The following KNG1 variants were observed in gnomAD, a reference collection of about 807,000 sequenced individuals.
The protein encoded by KNG1 is kininogen-1.
Under a neutral mutation model 47.8 loss-of-function variants are expected in KNG1, and 23 were observed. That is an observed-to-expected ratio of 0.48 (90% CI 0.35 to 0.68). The LOEUF is 0.68. Among genes scored for constraint, KNG1 ranks in the 30% least tolerant of loss-of-function variants. The probability of loss-of-function intolerance (pLI) is 0.01; values close to 1 mark genes in which losing one functional copy is unlikely to be tolerated. For missense variants in KNG1, 762 were observed against 790.2 expected (o/e 0.96, Z 0.43); for synonymous variants, 277 against 277.0 (o/e 1.00, Z 0.00).
At position 186,717,510 on chromosome 3, in the gene KNG1, A is replaced by G. The variant is rs1204207442; in HGVS notation, c.-33A>G. The G allele has an allele frequency of 3.3e-6, 5 of 1,502,438 alleles. No individual in the cohort carries two copies. Among genetic ancestry groups the G allele is most frequent in the Admixed American group, 3.3e-5 (2 of 59,854 alleles). The allele number at this position is 1,502,438 out of a possible 1,614,324, so 93.1% of individuals were successfully genotyped here. Reference sequence around the variant, plus strand: ...TTGGCTCTTGATTCTTGGTGAAACCATCCCTCAGCTCCTAGAGGGAGATTG... The same window carrying G: ...TTGGCTCTTGATTCTTGGTGAAACCGTCCCTCAGCTCCTAGAGGGAGATTG... On this transcript the variant is annotated 5_prime_UTR_variant, in exon 1 of 10. Transcript: ENST00000644859.
Position 186,742,359 on chromosome 3 carries a change from T to C in KNG1, c.*28T>C. On this transcript the variant is annotated 3_prime_UTR_variant, in exon 10 of 10. Coordinates refer to ENST00000644859, the MANE Select transcript of KNG1 (RefSeq NM_001102416.3). The stretch of plus-strand genomic sequence containing the variant: ...TAAGTGGCTATGGGTATTTCTTTCA[T>C]ACTTTATTAAAGTATCAATATCCCT... The C allele has an allele frequency of 6.2e-7, 1 of 1,612,096 alleles. No individual in the cohort carries two copies. Among genetic ancestry groups the C allele is most frequent in the Non-Finnish European group, 8.5e-7 (1 of 1,179,928 alleles).
At chr3:186,724,358 C>T (rs548740101) in intron 3 of KNG1, among the ~76,000 whole-genome samples, 137 of 152,280 alleles carry the variant, frequency 9.0e-4, no homozygotes, top group African/African-American at 3.1e-3. Context: ...ATGGACTTTG[C>T]CTCTATTGAC....
chr3:186,723,686 G>A (rs974840777), intron 3 of KNG1, among the ~76,000 whole-genome samples: 3 of 150,814 alleles, frequency 2.0e-5, no homozygotes, highest in South Asian at 2.1e-4. Flanking sequence ...ACAGAGTCTC[G>A]CACTGTCGCC....
chr3:186,726,478 C>T (rs1720377045), intron 4 of KNG1, among the ~76,000 whole-genome samples: 2 of 150,886 alleles, frequency 1.3e-5, no homozygotes, highest in Admixed American at 1.3e-4. Flanking sequence ...TTGGTAGAGA[C>T]AAGGTTTCCC....
rs1259271693 is a variant in KNG1 at position 186,741,552 on chromosome 3, T to C, written c.1156T>C (p.Ser386Pro). 1 of 1,610,378 alleles carries C rather than the reference T, an allele frequency of 6.2e-7. No homozygotes were observed. Among genetic ancestry groups the C allele is most frequent in the Non-Finnish European group, 8.5e-7 (1 of 1,179,118 alleles). Reference sequence around the variant, plus strand: ...ACTGATGAAAAGGCCTCCAGGTTTTTCACCTTTCCGATCATCACGAATAGG... The same window carrying C: ...ACTGATGAAAAGGCCTCCAGGTTTTCCACCTTTCCGATCATCACGAATAGG... ...ISLMKRPPGF[S>P]PFRSSRIGEI... is the part of the protein sequence containing the mutation. The change falls in exon 10 of 10, where the codon TCA becomes CCA. Residue 386 changes from serine (S) to proline (P), a missense_variant. Coordinates refer to ENST00000644859, the MANE Select transcript of KNG1 (RefSeq NM_001102416.3).
chr3:186,730,912 G>A (rs1169436002), intron 5 of KNG1, among the ~76,000 whole-genome samples: 2 of 150,456 alleles, frequency 1.3e-5, no homozygotes. Flanking sequence ...TTATTCACTT[G>A]CCCTGTCTTA....
Position 186,742,990 on chromosome 3 carries a change from A to T in KNG1, c.*659A>T. On this transcript the variant is annotated 3_prime_UTR_variant, in exon 10 of 10. Coordinates refer to ENST00000644859, the MANE Select transcript of KNG1 (RefSeq NM_001102416.3). The stretch of plus-strand genomic sequence containing the variant: ...GGGAGGAAAGGGGGGACATAAATTA[A>T]TTGACTTTCTATTCCCAAAATGGGC... The T allele has an allele frequency of 1.0e-6, 1 of 975,664 alleles. No individual in the cohort carries two copies. Among genetic ancestry groups the T allele is most frequent in the Non-Finnish European group, 1.2e-6 (1 of 821,058 alleles). 60.4% of individuals were successfully genotyped at this position (975,664 alleles called of 1,614,324 possible).
chr3:186,724,191 C>A (rs1030618183), intron 3 of KNG1, among the ~76,000 whole-genome samples: 1 of 152,156 alleles, frequency 6.6e-6, no homozygotes, highest in Non-Finnish European at 1.5e-5. Flanking sequence ...AATTTACATT[C>A]TTACCAACAG....
intron 1 of KNG1, among the ~76,000 whole-genome samples, chr3:186,719,298 CAAAAT>C (rs1432226573): frequency 1.3e-5 from 2 of 151,954 alleles, no homozygotes; most frequent in Admixed American, 1.3e-4. Flanking sequence ...AAGTAGGAAA[CAAAAT>C]AAACCAAATA....
Position 186,732,666 on chromosome 3 carries a change from A to G in KNG1, c.922A>G (p.Arg308Gly). 6.2e-7 allele frequency: 1 copy of G among 1,613,370 alleles called. No individual in the cohort carries two copies. The highest frequency in any genetic ancestry group is 8.5e-7 in the Non-Finnish European group (1 of 1,179,242). ...YFKIDNVKKARVQVVAGKKYF... is the reference protein window; with the variant it reads ...YFKIDNVKKAGVQVVAGKKYF... ...CAAGATTGACAATGTGAAAAAAGCAAGAGTACAGGTGTGTAAACTATACTA... is the reference window on the plus strand; with the variant it reads ...CAAGATTGACAATGTGAAAAAAGCAGGAGTACAGGTGTGTAAACTATACTA... Residue 308 changes from arginine (R) to glycine (G), a missense_variant, in exon 7 of 10, where the codon AGA becomes GGA. Transcript: ENST00000644859.
At position 186,742,484 on chromosome 3, in the gene KNG1, A is replaced by G; in HGVS notation, c.*153A>G. ...AAGTGGTGAGACTCCCAGTGGAGAC[A>G]CCATCAGTCTCCACGGACTGCATAA... On this transcript the variant is annotated 3_prime_UTR_variant, in exon 10 of 10. Transcript: ENST00000644859. 6.8e-7 allele frequency: 1 copy of G among 1,471,172 alleles called. No individual in the cohort carries two copies. 91.1% of individuals were successfully genotyped at this position (1,471,172 alleles called of 1,614,324 possible).
intron 1 of KNG1, 103 bp downstream of exon 1, chr3:186,717,840 C>A: frequency 1.5e-6 from 1 of 674,116 alleles, no homozygotes; most frequent in Non-Finnish European, 2.6e-6. Flanking sequence ...GCACCCACCA[C>A]CACCACCCAC....
chr3:186,722,394 A>G (rs1311825234), intron 2 of KNG1, 43 bp from the exon 3 acceptor site: 2 of 1,490,154 alleles, frequency 1.3e-6, no homozygotes, highest in African/African-American at 2.7e-5. Context: ...AGACTTTCCC[A>G]TCTGAAAGAT....
chr3:186,740,622 C>T (rs904618873), intron 9 of KNG1, among the ~76,000 whole-genome samples: 1 of 152,178 alleles, frequency 6.6e-6, no homozygotes, highest in African/African-American at 2.4e-5. Context: ...CCTCTTTTCC[C>T]TCTTTTCTGA....
intron 9 of KNG1, among the ~76,000 whole-genome samples, chr3:186,740,073 A>T (rs1282388970): frequency 4.6e-5 from 7 of 152,036 alleles, no homozygotes; most frequent in Non-Finnish European, 1.0e-4. Flanking sequence ...GAAAAGAAAA[A>T]TTCAGACTCG....
intron 2 of KNG1, chr3:186,721,343 G>T (rs1230721860): frequency 6.6e-6 from 1 of 152,302 alleles, no homozygotes; most frequent in African/African-American, 2.4e-5. Context: ...TGCTTCTAGG[G>T]GCTGTGTGGA....
chr3:186,730,358 A>G (rs1720480185), intron 5 of KNG1, among the ~76,000 whole-genome samples: 1 of 151,980 alleles, frequency 6.6e-6, no homozygotes. Context: ...GTGTAAAAAC[A>G]ATTAAAAATA....
At chr3:186,725,726 T>C (rs945639577) in intron 4 of KNG1, among the ~76,000 whole-genome samples, 1 of 150,772 alleles carries the variant, frequency 6.6e-6, no homozygotes, top group Non-Finnish European at 1.5e-5. Flanking sequence ...TTTATTATTA[T>C]TATTTTTAGT....
intron 5 of KNG1, chr3:186,728,725 ACTGCAAC>A (rs2108626666): frequency 6.6e-6 from 1 of 152,260 alleles, no homozygotes; most frequent in South Asian, 2.1e-4. Flanking sequence ...ATCTCGGCTC[ACTGCAAC>A]CTCTGCCTCC....
Sources: allele counts gnomAD v4.1 joint callset (sites outside exome capture counted in the v4.1 genomes callset), GRCh38; gene constraint gnomAD v4.1.1; transcripts MANE v1.5; gene names NCBI Gene and HGNC (gene_info 2026-07-23, HGNC 2026-07-21).